Variants in ELF5 observed in about 807,000 individuals in gnomAD.
ELF5 encodes the protein E74 like ETS transcription factor 5.
A neutral mutation model predicts 38.2 loss-of-function variants in ELF5; 31 were observed. The observed-to-expected ratio is 0.81, with a 90% CI of 0.61 to 1.10. The LOEUF (loss-of-function observed/expected upper bound fraction) is 1.10, where lower values mean the gene tolerates loss of function less well. ELF5 is among the 50% of genes least tolerant of loss of function. The probability of loss-of-function intolerance (pLI) is 0.00; values close to 1 mark genes in which losing one functional copy is unlikely to be tolerated. For synonymous variants in ELF5, 121 were observed against 112.5 expected, an observed-to-expected ratio of 1.08 and a Z score of -0.48; for missense variants, 300 against 306.6, an observed-to-expected ratio of 0.98 and a Z score of 0.16.
In ELF5 at chr11:34,480,912, T is replaced by C; in HGVS notation, c.531A>G (p.Glu177=). 1 of 1,614,176 alleles carries C rather than the reference T, an allele frequency of 6.2e-7. No homozygotes were observed. The highest frequency in any genetic ancestry group is 8.5e-7 in the Non-Finnish European group (1 of 1,180,026). Residue 177 remains glutamate, a synonymous_variant, in exon 6 of 7, where the codon GAA becomes GAG. Coordinates refer to ENST00000257832, the MANE Select transcript of ELF5 (RefSeq NM_001422.4). Reference sequence around the variant, plus strand: ...CCCATTCCAGAATGCCACAGTTTTCTTCAGGAGATAGAAGCAGGTCTCGTA... The same window carrying C: ...CCCATTCCAGAATGCCACAGTTTTCCTCAGGAGATAGAAGCAGGTCTCGTA... ...EFVRDLLLSP[E]ENCGILEWED...
rs201079186 is a variant in ELF5 at position 34,481,011 on chromosome 11, A to T, written c.476-44T>A. The stretch of plus-strand genomic sequence containing the variant: ...CATTAACTATTTACCATTGTTTTTT[A>T]AATTAATTAATTAATTAATTAATTT... On this transcript the variant is annotated intron_variant, in intron 5 of 6. Coordinates refer to ENST00000257832, the MANE Select transcript of ELF5 (RefSeq NM_001422.4). 48 of 1,355,168 alleles carry T rather than the reference A, an allele frequency of 3.5e-5. No individual in the cohort carries two copies. In the African/African-American group the frequency reaches 6.1e-4, roughly 17 times the overall value. 83.9% of individuals were successfully genotyped at this position (1,355,168 alleles called of 1,614,324 possible).
rs117206876 is a variant in ELF5, at chr11:34,508,721, T to C, written c.-4-2968A>G. ...GATGTGAGTACCACGTGTTGGAAGA[T>C]ACTGAGTTAGTCCAATTTCCCTCCT... On this transcript the variant is annotated intron_variant, in intron 1 of 6. Transcript: ENST00000257832. Among the ~76,000 whole-genome samples the C allele has an allele frequency of 1.3e-3, 203 of 152,312 alleles. 1 individual carries two copies. The East Asian group carries it at 0.033, about 25-fold the overall frequency.
At chr11:34,500,089 G>A (rs1431747991) in intron 2 of ELF5, among the ~76,000 whole-genome samples, 1 of 152,216 alleles carries the variant, frequency 6.6e-6, no homozygotes, top group Non-Finnish European at 1.5e-5. Flanking sequence ...GAATACATTT[G>A]TTCTCAGGGA....
intron 1 of ELF5, among the ~76,000 whole-genome samples, chr11:34,508,375 T>C (rs888850815): frequency 1.3e-5 from 2 of 152,136 alleles, no homozygotes; most frequent in Non-Finnish European, 2.9e-5. Flanking sequence ...TGTTGGTGCA[T>C]GCCTGCAATC....
intron 1 of ELF5, chr11:34,511,653 T>A (rs927779571): frequency 6.4e-7 from 1 of 1,570,396 alleles, no homozygotes; most frequent in African/African-American, 1.4e-5. Flanking sequence ...ACAGAGAGGG[T>A]CCACCGAGTT....
Position 34,479,985 on chromosome 11 carries a change from G to C in ELF5, c.*233C>G. 1.9e-6 allele frequency: 1 copy of C among 526,002 alleles called. No homozygotes were observed. Among genetic ancestry groups the C allele is most frequent in the South Asian group, 2.4e-5 (1 of 41,992 alleles). The allele number at this position is 526,002 out of a possible 1,614,324, so 32.6% of individuals were successfully genotyped here. A position where few individuals can be genotyped will look rare whatever the true frequency, so the allele number is the denominator to read the frequency against. On this transcript the variant is annotated 3_prime_UTR_variant, in exon 7 of 7. Coordinates refer to ENST00000257832, the MANE Select transcript of ELF5 (RefSeq NM_001422.4). ...AAAGTTTGATCAAGACACCACAAAA[G>C]ATCATCCCCTCATCCCCTTAGGGAG...
intron 4 of ELF5, among the ~76,000 whole-genome samples, chr11:34,483,312 G>A (rs994922090): frequency 2.0e-5 from 3 of 151,856 alleles, no homozygotes; most frequent in Non-Finnish European, 2.9e-5. Context: ...TAGAATATTC[G>A]AGCATATTCT....
Position 34,494,708 on chromosome 11 carries a change from T to C in ELF5, c.122-996A>G, listed in dbSNP as rs143829966. Among the ~76,000 whole-genome samples, 1,484 of 152,306 alleles carry C rather than the reference T, an allele frequency of 9.7e-3. 14 individuals are homozygous for C. The highest frequency in any genetic ancestry group is 0.016 in the Non-Finnish European group (1,094 of 68,016). On this transcript the variant is annotated intron_variant, in intron 2 of 6. Transcript: ENST00000257832. ...ATAAGGTATGGAAGAGGTGCTGTAT[T>C]AGGTACTTGGTCAGGCTCTTTGACA...
intron 3 of ELF5, among the ~76,000 whole-genome samples, chr11:34,490,740 C>T (rs543597086): frequency 6.6e-6 from 1 of 152,274 alleles, no homozygotes; most frequent in Non-Finnish European, 1.5e-5. Flanking sequence ...ATACCTATGT[C>T]CTAGCTTGGT....
At chr11:34,491,579 TG>T (rs1417519790) in intron 3 of ELF5, 3 of 151,156 alleles carry the variant, frequency 2.0e-5, no homozygotes, top group African/African-American at 4.9e-5. Flanking sequence ...GGGACAGGTT[TG>T]TTTTTTTTTT....
At chr11:34,493,999 G>C (rs1045484692) in intron 2 of ELF5, among the ~76,000 whole-genome samples, 25 of 152,178 alleles carry the variant, frequency 1.6e-4, no homozygotes, top group African/African-American at 6.0e-4. Flanking sequence ...AGTGGAGAAA[G>C]AAAGAAAACA....
At chr11:34,512,958 C>T (rs948718877) in intron 1 of ELF5, among the ~76,000 whole-genome samples, 20 of 152,130 alleles carry the variant, frequency 1.3e-4, no homozygotes. Context: ...ATGTCTGACA[C>T]ACTTTCGGGC....
chr11:34,511,586 A>G, intron 1 of ELF5: 1 of 1,614,208 alleles, frequency 6.2e-7, no homozygotes, highest in Non-Finnish European at 8.5e-7. Flanking sequence ...TGAGGTCCCC[A>G]GATGCCTCCA....
Position 34,480,253 on chromosome 11 carries a change from T to A in ELF5, c.733A>T (p.Lys245Ter), listed in dbSNP as rs1856902604. The A allele has an allele frequency of 6.2e-7, 1 of 1,614,162 alleles. No individual in the cohort carries two copies. The change falls in exon 7 of 7, where the codon AAA (lysine) becomes TAA (stop). Residue 245 changes from lysine to a stop codon, truncating the protein, a stop_gained. Transcript: ENST00000257832. LOFTEE classifies it high-confidence loss of function. ...TCTTCCTGCCACCCGTGTGCATTTT[T>A]TCCAAATTTGTACACTAACCTTCGG... ...VDRRLVYKFG[K>*]NAHGWQEDKL
At chr11:34,486,058 A>C (rs1484232119) in intron 4 of ELF5, among the ~76,000 whole-genome samples, 2 of 152,164 alleles carry the variant, frequency 1.3e-5, no homozygotes, top group Non-Finnish European at 2.9e-5. Flanking sequence ...AAATGTGGCC[A>C]AAGGATGTAT....
chr11:34,512,759 C>A (rs953006999), intron 1 of ELF5, among the ~76,000 whole-genome samples: 3 of 152,024 alleles, frequency 2.0e-5, no homozygotes, highest in African/African-American at 7.3e-5. Flanking sequence ...CCCGAGAATA[C>A]CTTAGATTAT....
At chr11:34,499,252 G>T (rs116084089) in intron 2 of ELF5, among the ~76,000 whole-genome samples, 1,991 of 152,000 alleles carry the variant, frequency 0.013, 49 homozygotes, top group African/African-American at 0.045. Context: ...TTGATTTTTG[G>T]TTTTTTTGAG....
rs532490762 is a variant in ELF5 at position 34,490,765 on chromosome 11, A to G, written c.356-706T>C. Among the ~76,000 whole-genome samples the G allele has an allele frequency of 2.6e-5, 4 of 152,302 alleles. No homozygotes were observed. The East Asian group carries it at 7.7e-4, about 29-fold the overall frequency. The stretch of plus-strand genomic sequence containing the variant: ...CCTAGCTTGGTCCAACACGAGGACT[A>G]ATCTCTACTTGCTAAGCAGACTGGA... On this transcript the variant is annotated intron_variant, in intron 3 of 6. Transcript: ENST00000257832.
Position 34,493,496 on chromosome 11 carries a change from T to C in ELF5, c.338A>G (p.Gln113Arg). ...ACACTGACCTTGTGTGCGGATGTTC[T>C]GGAGGATGAAGTACAGGTACTCGCC... ...LCGEYLYFIL[Q>R]NIRTQGYSFF... is the part of the protein sequence containing the mutation. The change falls in exon 3 of 7, where the codon CAG becomes CGG. Residue 113 changes from glutamine to arginine, a missense_variant. Transcript: ENST00000257832. 1 of 1,613,876 alleles carries C rather than the reference T, an allele frequency of 6.2e-7. No individual in the cohort carries two copies. Among genetic ancestry groups the C allele is most frequent in the Non-Finnish European group, 8.5e-7 (1 of 1,179,876 alleles).
Sources: allele counts gnomAD v4.1 joint callset (sites outside exome capture counted in the v4.1 genomes callset), GRCh38; gene constraint gnomAD v4.1.1; transcripts MANE v1.5; gene names NCBI Gene and HGNC (gene_info 2026-07-23, HGNC 2026-07-21).